KDM2B: variants seen among roughly 807,000 people sequenced by gnomAD.
The protein encoded by KDM2B is lysine demethylase 2B.
A neutral mutation model predicts 150.0 loss-of-function variants in KDM2B; 26 were observed. The observed-to-expected ratio is 0.17, with a 90% CI of 0.13 to 0.24. KDM2B has a LOEUF of 0.24. KDM2B is among the 10% of genes least tolerant of loss of function. The pLI, the probability that KDM2B is intolerant of heterozygous loss-of-function variation, is 1.00. For missense variants in KDM2B, 1,265 were observed against 1,816.9 expected (o/e 0.70, Z 5.52); for synonymous variants, 734 against 729.5 (o/e 1.01, Z -0.10).
At chr12:121,511,041 C>T (rs1364402911) in intron 10 of KDM2B, among the ~76,000 whole-genome samples, 5 of 150,638 alleles carry the variant, frequency 3.3e-5, no homozygotes, top group African/African-American at 9.8e-5. Flanking sequence ...GACAGAGTCT[C>T]GCTCTGTCAC....
intron 12 of KDM2B, among the ~76,000 whole-genome samples, chr12:121,474,230 A>G (rs2139752521): frequency 6.6e-6 from 1 of 152,232 alleles, no homozygotes; most frequent in African/African-American, 2.4e-5. Context: ...TAGGTTAGGT[A>G]CGGCCGGGCA....
At chr12:121,563,096 T>C (rs918061192) in intron 4 of KDM2B, among the ~76,000 whole-genome samples, 1 of 151,984 alleles carries the variant, frequency 6.6e-6, no homozygotes, top group Admixed American at 6.6e-5. Flanking sequence ...GGTGGGTGGA[T>C]CGCTTAGGCC....
At chr12:121,479,540 G>C (rs1555297497) in intron 12 of KDM2B, among the ~76,000 whole-genome samples, 1 of 151,802 alleles carries the variant, frequency 6.6e-6, no homozygotes, top group Non-Finnish European at 1.5e-5. Context: ...TACTTGGAAA[G>C]CTACTTGGGC....
the KDM2B span, chr12:121,420,232 A>C: frequency 6.2e-7 from 1 of 1,609,514 alleles, no homozygotes; most frequent in African/African-American, 1.3e-5. Flanking sequence ...GATACGTTGT[A>C]TAAGTGTAGG....
In KDM2B at chr12:121,531,894, A is replaced by T. The variant is rs1887685356; in HGVS notation, c.931+912T>A. The stretch of plus-strand genomic sequence containing the variant: ...AATCCCTTGAGGCCAGGAGTTGGAG[A>T]CCAGCCGGGACAACATGGCAAAACC... On this transcript the variant is annotated intron_variant, in intron 8 of 22. Coordinates refer to ENST00000377071, the MANE Select transcript of KDM2B (RefSeq NM_032590.5). Among the ~76,000 whole-genome samples the T allele has an allele frequency of 2.0e-5, 3 of 152,184 alleles. No homozygotes were observed. In the South Asian group the frequency reaches 6.2e-4, roughly 32 times the overall value.
intron 4 of KDM2B, among the ~76,000 whole-genome samples, chr12:121,568,866 T>TAA (rs56132369): frequency 0.11 from 15,715 of 139,666 alleles, 957 homozygotes; most frequent in Middle Eastern, 0.13. Context: ...GCTTTTTTGT[T>TAA]AAAAAAAAAA....
In KDM2B at chr12:121,533,904, C is replaced by T. The variant is rs1475545110; in HGVS notation, c.777+593G>A. ...CCAAGACGAGAGGATCACGTGAGCC[C>T]AGGACTTTGAGAACAAGTCCCAGCT... is the stretch of plus-strand genomic sequence containing the variant. On this transcript the variant is annotated intron_variant, in intron 7 of 22. Coordinates refer to ENST00000377071, the MANE Select transcript of KDM2B (RefSeq NM_032590.5). This position sits in a 1 kb window ranked among gnomAD's most constrained non-coding sequence, Gnocchi z 4.1. 6.6e-6 allele frequency among the ~76,000 whole-genome samples: 1 copy of T among 152,144 alleles called. No homozygotes were observed. Among genetic ancestry groups the T allele is most frequent in the African/African-American group, 2.4e-5 (1 of 41,422 alleles).
intron 6 of KDM2B, among the ~76,000 whole-genome samples, chr12:121,543,403 C>T (rs1888758812): frequency 6.6e-6 from 1 of 152,116 alleles, no homozygotes; most frequent in South Asian, 2.1e-4. Flanking sequence ...GCCAGCTGGG[C>T]ATGGTGGCTC....
rs192452525 is a variant in KDM2B at position 121,449,482 on chromosome 12, C to T, written c.1959+3638G>A. Among the ~76,000 whole-genome samples, 26 of 152,102 alleles carry T rather than the reference C, an allele frequency of 1.7e-4. 1 individual carries two copies. Among genetic ancestry groups the T allele is most frequent in the Admixed American group, 1.4e-3 (21 of 15,274 alleles). Reference sequence around the variant, plus strand: ...ACGTCAAGCTGAAGAGAGTAGGAGACGTAGAAAAATGGGGTTTCCTTCAAC... The same window carrying T: ...ACGTCAAGCTGAAGAGAGTAGGAGATGTAGAAAAATGGGGTTTCCTTCAAC... On this transcript the variant is annotated intron_variant, in intron 13 of 22. Coordinates refer to ENST00000377071, the MANE Select transcript of KDM2B (RefSeq NM_032590.5).
At chr12:121,410,486 G>A in the KDM2B span, among the ~76,000 whole-genome samples, 1 of 151,020 alleles carries the variant, frequency 6.6e-6, no homozygotes, top group Non-Finnish European at 1.5e-5. Context: ...GCAGTGAGCC[G>A]AGATTGCGCC....
chr12:121,455,560 C>G (rs1406105089), intron 12 of KDM2B, among the ~76,000 whole-genome samples: 2 of 151,988 alleles, frequency 1.3e-5, no homozygotes, highest in African/African-American at 2.4e-5. Flanking sequence ...TTAAAATTAG[C>G]CAGGTGTAGT....
chr12:121,421,387 A>AC, the KDM2B span, among the ~76,000 whole-genome samples: 64 of 150,176 alleles, frequency 4.3e-4, no homozygotes, highest in South Asian at 1.1e-3. Flanking sequence ...AAAAAAAAAA[A>AC]AAAAAAAAAA....
the KDM2B span, among the ~76,000 whole-genome samples, chr12:121,412,785 C>T: frequency 7.2e-6 from 1 of 139,024 alleles, no homozygotes; most frequent in Non-Finnish European, 1.5e-5. Flanking sequence ...AGTGCAGTGG[C>T]GTGATCTCGG....
At chr12:121,481,492 G>A (rs4980994) in intron 12 of KDM2B, among the ~76,000 whole-genome samples, 97,595 of 147,694 alleles carry the variant, frequency 0.66, 33,585 homozygotes, top group African/African-American at 0.89. Context: ...GTTTGGTTGA[G>A]CATACATCCA....
At chr12:121,420,805 T>C in the KDM2B span, 1 of 1,563,938 alleles carries the variant, frequency 6.4e-7, no homozygotes, top group Admixed American at 1.7e-5. Flanking sequence ...ATTTTTTCCC[T>C]GTAGTATTTT....
At chr12:121,557,229 G>C (rs919529450) in intron 4 of KDM2B, among the ~76,000 whole-genome samples, 1 of 135,678 alleles carries the variant, frequency 7.4e-6, no homozygotes, top group Admixed American at 7.8e-5. Context: ...TAAGACAAGA[G>C]AATTTTTTTT....
chr12:121,521,654 C>G lies in KDM2B; in HGVS notation c.932-554G>C, dbSNP rs375139903. ...CCCAGGCCCCTTTCCATGTGGTCTC[C>G]TTGGTCACACAACGCCTGCATGCCC... On this transcript the variant is annotated intron_variant, in intron 8 of 22. Coordinates refer to ENST00000377071, the MANE Select transcript of KDM2B (RefSeq NM_032590.5). The surrounding 1 kb of genome is among the most constrained non-coding windows in gnomAD (Gnocchi z 4.9). Among the ~76,000 whole-genome samples the G allele has an allele frequency of 1.5e-4, 23 of 152,312 alleles. No homozygotes were observed. The South Asian group carries it at 4.8e-3, about 32-fold the overall frequency.
rs1480111958 is a variant in KDM2B at position 121,537,950 on chromosome 12, C to G, written c.684-3360G>C. ...GGCGGCGGCTCCCGTGCGTCCCCTT[C>G]GGCTCCCGGGCGTCCCCTTCGGCTG... is the stretch of plus-strand genomic sequence containing the variant. On this transcript the variant is annotated intron_variant, in intron 6 of 22. Coordinates refer to ENST00000377071, the MANE Select transcript of KDM2B (RefSeq NM_032590.5). This position sits in a 1 kb window ranked among gnomAD's most constrained non-coding sequence, Gnocchi z 8.7. Among the ~76,000 whole-genome samples the G allele has an allele frequency of 6.6e-6, 1 of 150,384 alleles. No homozygotes were observed. The highest frequency in any genetic ancestry group is 1.5e-5 in the Non-Finnish European group (1 of 67,428).
intron 11 of KDM2B, among the ~76,000 whole-genome samples, chr12:121,504,465 G>A (rs558235204): frequency 1.3e-5 from 2 of 152,192 alleles, no homozygotes; most frequent in East Asian, 1.9e-4. Flanking sequence ...AGCCTGGGGG[G>A]TTGAGGCTGC....
Sources: gnomAD v4.1 joint callset for allele counts (sites outside exome capture counted in the v4.1 genomes callset) on GRCh38, gnomAD v4.1.1 for gene constraint, Gnocchi (gnomAD v3.1) non-coding constraint, MANE v1.5 for transcripts, NCBI Gene and HGNC (gene_info 2026-07-23, HGNC 2026-07-21) for gene names.